The following CMTM6 variants were observed in gnomAD, a reference collection of about 807,000 sequenced individuals.
CMTM6 encodes CKLF like MARVEL transmembrane domain containing 6.
In CMTM6, 5 loss-of-function variants were observed where a neutral mutation model predicts 13.6. The ratio of observed to expected loss-of-function variants is 0.37; its 90% CI spans 0.19 to 0.77. CMTM6 has a LOEUF of 0.77. CMTM6 is among the 30% of genes least tolerant of loss of function. The probability of loss-of-function intolerance (pLI) is 0.50; values close to 1 mark genes in which losing one functional copy is unlikely to be tolerated. For synonymous variants in CMTM6, 99 were observed against 84.5 expected, an observed-to-expected ratio of 1.17 and a Z score of -0.94; for missense variants, 196 against 218.6, an observed-to-expected ratio of 0.90 and a Z score of 0.65.
rs1395125837 is a variant in CMTM6 at position 32,483,576 on chromosome 3, G to T, written c.*384C>A. On this transcript the variant is annotated 3_prime_UTR_variant, in exon 4 of 4. Coordinates refer to ENST00000205636, the MANE Select transcript of CMTM6 (RefSeq NM_017801.3). ...TTAAAAATAAAACAATTTCTAAGTA[G>T]ATGAATATAATCACGATGTTTATAC... 1.3e-5 allele frequency: 2 copies of T among 154,598 alleles called. No individual in the cohort carries two copies. The highest frequency in any genetic ancestry group is 2.9e-5 in the Non-Finnish European group (2 of 69,806). 9.6% of individuals were successfully genotyped at this position (154,598 alleles called of 1,614,324 possible). A position where few individuals can be genotyped will look rare whatever the true frequency, so the allele number is the denominator to read the frequency against.
At position 32,487,859 on chromosome 3, in the gene CMTM6, A is replaced by AT. The variant is rs1210433169; in HGVS notation, c.414+78dup. ...AAGAAAAACAACTCTAACATGCTGTATAACTTGTCAAGTACTCTCCAAATT... is the reference window on the plus strand; with the variant it reads ...AAGAAAAACAACTCTAACATGCTGTATTAACTTGTCAAGTACTCTCCAAATT... On this transcript the variant is annotated intron_variant, in intron 3 of 3. Transcript: ENST00000205636. The AT allele has an allele frequency of 3.2e-5, 31 of 965,530 alleles. No homozygotes were observed. The East Asian group carries it at 7.1e-4, about 22-fold the overall frequency. 59.8% of individuals were successfully genotyped at this position (965,530 alleles called of 1,614,324 possible).
intron 2 of CMTM6, among the ~76,000 whole-genome samples, chr3:32,490,600 A>C (rs999791793): frequency 2.0e-5 from 3 of 152,186 alleles, no homozygotes. Flanking sequence ...ATGACTTTTT[A>C]AATGCTCAAG....
At chr3:32,497,518 T>TG (rs1479656067) in intron 1 of CMTM6, among the ~76,000 whole-genome samples, 2 of 126,376 alleles carry the variant, frequency 1.6e-5, no homozygotes, top group Non-Finnish European at 3.2e-5. Context: ...TTTTAGTTGA[T>TG]TTTTTTTTTT....
At chr3:32,491,139 C>T (rs1455511754) in intron 2 of CMTM6, among the ~76,000 whole-genome samples, 1 of 152,222 alleles carries the variant, frequency 6.6e-6, no homozygotes, top group East Asian at 1.9e-4. Context: ...CAGGATTCTG[C>T]TCCTAGCAAA....
chr3:32,502,842 TG>T lies in CMTM6; in HGVS notation c.-98del. ...TAGCCGGGAGGCGGCCGTCACTTCC[TG>T]GGCCTTCTCCCCGGCTTCCGCCTGA... On this transcript the variant is annotated 5_prime_UTR_variant, in exon 1 of 4. Transcript: ENST00000205636. 7.5e-7 allele frequency: 1 copy of T among 1,325,316 alleles called. No homozygotes were observed. The highest frequency in any genetic ancestry group is 9.7e-7 in the Non-Finnish European group (1 of 1,030,432). The allele number at this position is 1,325,316 out of a possible 1,614,324, so 82.1% of individuals were successfully genotyped here. A position where few individuals can be genotyped will look rare whatever the true frequency, so the allele number is the denominator to read the frequency against.
intron 3 of CMTM6, among the ~76,000 whole-genome samples, chr3:32,485,229 A>T (rs901095007): frequency 1.6e-5 from 2 of 123,206 alleles, no homozygotes; most frequent in African/African-American, 2.6e-5. Flanking sequence ...CTTCTGAATT[A>T]AAAAAAAAAA....
intron 1 of CMTM6, among the ~76,000 whole-genome samples, chr3:32,496,674 C>T (rs943353488): frequency 6.6e-5 from 10 of 151,942 alleles, no homozygotes; most frequent in Admixed American, 3.3e-4. Context: ...AGAAAATGTT[C>T]GAAGGAGCCG....
chr3:32,496,495 G>A (rs1697292050), intron 1 of CMTM6, among the ~76,000 whole-genome samples: 1 of 152,110 alleles, frequency 6.6e-6, no homozygotes, highest in Non-Finnish European at 1.5e-5. Context: ...ACAGCATTAT[G>A]CAATTGCTAG....
intron 1 of CMTM6, among the ~76,000 whole-genome samples, chr3:32,497,189 C>T (rs995935428): frequency 6.6e-6 from 1 of 151,756 alleles, no homozygotes; most frequent in African/African-American, 2.4e-5. Flanking sequence ...CAAGACCATC[C>T]TGGCTAACAT....
intron 1 of CMTM6, among the ~76,000 whole-genome samples, chr3:32,498,351 T>G (rs565695941): frequency 6.6e-6 from 1 of 152,350 alleles, no homozygotes; most frequent in East Asian, 1.9e-4. Context: ...ATACTGTTTG[T>G]TAAATTCCTT....
Position 32,502,845 on chromosome 3 carries a change from G to C in CMTM6, c.-100C>G. Reference sequence around the variant, plus strand: ...CCGGGAGGCGGCCGTCACTTCCTGGGCCTTCTCCCCGGCTTCCGCCTGACT... The same window carrying C: ...CCGGGAGGCGGCCGTCACTTCCTGGCCCTTCTCCCCGGCTTCCGCCTGACT... On this transcript the variant is annotated 5_prime_UTR_variant, in exon 1 of 4. Coordinates refer to ENST00000205636, the MANE Select transcript of CMTM6 (RefSeq NM_017801.3). The C allele has an allele frequency of 7.6e-7, 1 of 1,319,612 alleles. No homozygotes were observed. The highest frequency in any genetic ancestry group is 1.6e-5 in the African/African-American group (1 of 64,488). The allele number at this position is 1,319,612 out of a possible 1,614,324, so 81.7% of individuals were successfully genotyped here. A position where few individuals can be genotyped will look rare whatever the true frequency, so the allele number is the denominator to read the frequency against.
Position 32,487,967 on chromosome 3 carries a change from CAT to C in CMTM6, c.383_384del (p.His128ArgfsTer6), listed in dbSNP as rs1311899539. The C allele has an allele frequency of 2.5e-6, 4 of 1,613,490 alleles. No individual in the cohort carries two copies. Among genetic ancestry groups the C allele is most frequent in the Non-Finnish European group, 3.4e-6 (4 of 1,179,688 alleles). On this transcript the variant is annotated frameshift_variant, in exon 3 of 4. Transcript: ENST00000205636. LOFTEE classifies it low-confidence loss of function (END_TRUNC). ...LLASIIFVST[H>X]DRTSAEIAAI... ...GCAGCAATCTCAGCTGAAGTCCTGT[CAT>C]GTGTGGAAACAAAAATGATGGATGC...
chr3:32,487,707 T>G (rs1056479439), intron 3 of CMTM6: 1 of 383,358 alleles, frequency 2.6e-6, no homozygotes, highest in Non-Finnish European at 4.7e-6. Flanking sequence ...TAACACACGG[T>G]ATGTGGAGTA....
intron 1 of CMTM6, among the ~76,000 whole-genome samples, chr3:32,497,686 C>T (rs1476754737): frequency 3.3e-5 from 5 of 151,550 alleles, no homozygotes; most frequent in African/African-American, 7.3e-5. Flanking sequence ...AATGAAACCC[C>T]GTCTCTATCA....
At chr3:32,489,299 CTATT>C (rs943585481) in intron 2 of CMTM6, among the ~76,000 whole-genome samples, 19 of 145,266 alleles carry the variant, frequency 1.3e-4, no homozygotes, top group Admixed American at 9.6e-4. Flanking sequence ...ATCAATAAAA[CTATT>C]TAACACAGAA....
chr3:32,498,679 A>G (rs1161012673), intron 1 of CMTM6, among the ~76,000 whole-genome samples: 1 of 148,574 alleles, frequency 6.7e-6, no homozygotes, highest in Non-Finnish European at 1.5e-5. Context: ...GCTCACTGCA[A>G]TCTCCACCTC....
In CMTM6 at chr3:32,484,021, T is replaced by G. The variant is rs1351803788; in HGVS notation, c.491A>C (p.Gln164Pro). Reference sequence around the variant, plus strand: ...AGTGGTATTTTCAGGTTTTCTCAGCTGGGACTCCTGTCGTTTTTCATACAG... The same window carrying G: ...AGTGGTATTTTCAGGTTTTCTCAGCGGGGACTCCTGTCGTTTTTCATACAG... ...TMLYEKRQES[Q>P]LRKPENTTRA... The change falls in exon 4 of 4, where the codon CAG becomes CCG. Residue 164 changes from glutamine to proline, a missense_variant. Physicochemically the swap from Gln to Pro is moderately conservative, Grantham distance 76 (BLOSUM62 -1). Transcript: ENST00000205636. The G allele has an allele frequency of 7.4e-6, 12 of 1,611,698 alleles. No homozygotes were observed. The highest frequency in any genetic ancestry group is 1.3e-5 in the African/African-American group (1 of 74,820).
intron 3 of CMTM6, 100 bp from the exon 4 acceptor site, chr3:32,484,197 T>C: frequency 8.8e-7 from 1 of 1,133,708 alleles, no homozygotes; most frequent in South Asian, 2.1e-5. Context: ...AAGATGTTCA[T>C]GAATTTTATC....
intron 1 of CMTM6, among the ~76,000 whole-genome samples, chr3:32,493,687 C>A (rs528052500): frequency 6.6e-6 from 1 of 152,150 alleles, no homozygotes; most frequent in Admixed American, 6.5e-5. Flanking sequence ...GGGGAAGAAA[C>A]CAGCAAAGGA....
Sources: allele counts gnomAD v4.1 joint callset (sites outside exome capture counted in the v4.1 genomes callset), GRCh38; gene constraint gnomAD v4.1.1; transcripts MANE v1.5; gene names NCBI Gene and HGNC (gene_info 2026-07-23, HGNC 2026-07-21).